IMMP2L: variants seen among roughly 807,000 people sequenced by gnomAD.
IMMP2L encodes mitochondrial inner membrane protease subunit 2.
Under a neutral mutation model 19.3 loss-of-function variants are expected in IMMP2L, and 18 were observed. That is an observed-to-expected ratio of 0.93 (90% CI 0.64 to 1.38). The LOEUF is 1.38. IMMP2L is among the 40% of genes most tolerant of loss of function. The pLI is 0.00. For synonymous variants in IMMP2L, 76 were observed against 73.0 expected, an observed-to-expected ratio of 1.04 and a Z score of -0.21; for missense variants, 233 against 218.2, an observed-to-expected ratio of 1.07 and a Z score of -0.43.
intron 3 of IMMP2L, among the ~76,000 whole-genome samples, chr7:111,005,578 T>G (rs957999169): frequency 6.6e-6 from 1 of 152,160 alleles, no homozygotes; most frequent in African/African-American, 2.4e-5. Flanking sequence ...CTGCCTCAAT[T>G]AAGCAGATAA....
intron 2 of IMMP2L, among the ~76,000 whole-genome samples, chr7:111,514,236 A>C (rs1845690247): frequency 6.6e-6 from 1 of 152,160 alleles, no homozygotes; most frequent in African/African-American, 2.4e-5. Context: ...TATGTTAATT[A>C]GTTTGTGGTA....
chr7:110,888,866 G>A (rs1309784771), intron 4 of IMMP2L, among the ~76,000 whole-genome samples: 1 of 152,028 alleles, frequency 6.6e-6, no homozygotes, highest in Non-Finnish European at 1.5e-5. Flanking sequence ...TTGTTCATAA[G>A]AGTATCCCCA....
intron 5 of IMMP2L, among the ~76,000 whole-genome samples, chr7:110,805,877 C>G (rs1233960850): frequency 6.6e-6 from 1 of 151,752 alleles, no homozygotes; most frequent in African/African-American, 2.4e-5. Context: ...GGGTATAATG[C>G]TATACCCCAA....
intron 3 of IMMP2L, among the ~76,000 whole-genome samples, chr7:111,289,315 T>C (rs1030741984): frequency 1.3e-5 from 2 of 151,786 alleles, no homozygotes; most frequent in African/African-American, 2.4e-5. Context: ...AAATACCTAA[T>C]GTAGATGATG....
chr7:110,892,280 G>A (rs988296126), intron 4 of IMMP2L, among the ~76,000 whole-genome samples: 9 of 152,112 alleles, frequency 5.9e-5, no homozygotes, highest in Admixed American at 1.3e-4. Flanking sequence ...TGAACAGACT[G>A]GTCACAAACC....
chr7:111,142,377 A>G (rs1407267013), intron 3 of IMMP2L, among the ~76,000 whole-genome samples: 1 of 150,900 alleles, frequency 6.6e-6, no homozygotes, highest in Non-Finnish European at 1.5e-5. Context: ...AGAATAGAAA[A>G]GAGCTTAATT....
chr7:110,905,537 G>T (rs1812357997), intron 4 of IMMP2L, among the ~76,000 whole-genome samples: 2 of 151,968 alleles, frequency 1.3e-5, no homozygotes, highest in Non-Finnish European at 2.9e-5. Context: ...TTTAGAGCAG[G>T]TAATATCCAA....
At chr7:110,972,441 G>A (rs1820239112) in intron 3 of IMMP2L, among the ~76,000 whole-genome samples, 1 of 151,944 alleles carries the variant, frequency 6.6e-6, no homozygotes, top group Non-Finnish European at 1.5e-5. Context: ...ATGTTTCTAA[G>A]TCTTCCAGTA....
At chr7:110,875,872 A>G (rs1809007358) in intron 5 of IMMP2L, among the ~76,000 whole-genome samples, 1 of 152,074 alleles carries the variant, frequency 6.6e-6, no homozygotes, top group African/African-American at 2.4e-5. Flanking sequence ...ATATTCCACA[A>G]CTTGATGAAG....
At chr7:111,209,567 A>T (rs1811097897) in intron 3 of IMMP2L, among the ~76,000 whole-genome samples, 2 of 152,112 alleles carry the variant, frequency 1.3e-5, no homozygotes, top group South Asian at 4.1e-4. Context: ...ATATTCAATC[A>T]ACAAGATTGC....
intron 3 of IMMP2L, among the ~76,000 whole-genome samples, chr7:111,211,786 G>A (rs985349241): frequency 2.5e-4 from 38 of 152,146 alleles, no homozygotes; most frequent in African/African-American, 9.2e-4. Flanking sequence ...GAGGCAGGCA[G>A]ATCGAGACCA....
chr7:111,465,712 T>G (rs1713917562), intron 3 of IMMP2L, among the ~76,000 whole-genome samples: 2 of 152,048 alleles, frequency 1.3e-5, no homozygotes, highest in South Asian at 4.2e-4. Context: ...TAGGAACACT[T>G]TTACACTGTT....
intron 3 of IMMP2L, among the ~76,000 whole-genome samples, chr7:111,404,459 A>G (rs1833741711): frequency 6.6e-6 from 1 of 152,088 alleles, no homozygotes; most frequent in African/African-American, 2.4e-5. Context: ...TCTTCCCACA[A>G]ATCACAAGCG....
chr7:111,436,460 T>C (rs1231949428), intron 3 of IMMP2L, among the ~76,000 whole-genome samples: 1 of 151,748 alleles, frequency 6.6e-6, no homozygotes, highest in Non-Finnish European at 1.5e-5. Context: ...TACATAAAAA[T>C]GTATTCTTAA....
intron 3 of IMMP2L, among the ~76,000 whole-genome samples, chr7:111,219,107 G>A (rs1266521153): frequency 1.3e-5 from 2 of 151,936 alleles, no homozygotes; most frequent in Non-Finnish European, 1.5e-5. Flanking sequence ...AACTATTGAT[G>A]TATGTTATAC....
chr7:111,529,505 C>T (rs1847195936), intron 1 of IMMP2L, among the ~76,000 whole-genome samples: 1 of 152,090 alleles, frequency 6.6e-6, no homozygotes, highest in South Asian at 2.1e-4. Context: ...AATTCTTTAT[C>T]TTTAGTCTTG....
At chr7:111,159,351 T>A (rs879931508) in intron 3 of IMMP2L, among the ~76,000 whole-genome samples, 1 of 152,076 alleles carries the variant, frequency 6.6e-6, no homozygotes, top group African/African-American at 2.4e-5. Flanking sequence ...CCTGACCTCA[T>A]GATCCACCCA....
rs890462474 is a variant in IMMP2L at position 110,806,595 on chromosome 7, C to A, written c.408+79998G>T. Reference sequence around the variant, plus strand: ...TTCAAAGGGAAAAATTCCCACAAAACCCAAAAAATAGTTGGTCTCAAAAAA... The same window carrying A: ...TTCAAAGGGAAAAATTCCCACAAAAACCAAAAAATAGTTGGTCTCAAAAAA... On this transcript the variant is annotated intron_variant, in intron 5 of 5. Transcript: ENST00000405709. Among the ~76,000 whole-genome samples, 5 of 151,894 alleles carry A rather than the reference C, an allele frequency of 3.3e-5. No homozygotes were observed. In the South Asian group the frequency reaches 1.0e-3, roughly 32 times the overall value.
chr7:110,743,473 G>A (rs1797123153), intron 5 of IMMP2L, among the ~76,000 whole-genome samples: 1 of 152,114 alleles, frequency 6.6e-6, no homozygotes, highest in Non-Finnish European at 1.5e-5. Context: ...ATTTCCAGTT[G>A]CTGGCAAGAT....
Sources: allele counts gnomAD v4.1 joint callset (sites outside exome capture counted in the v4.1 genomes callset), GRCh38; gene constraint gnomAD v4.1.1; transcripts MANE v1.5; gene names NCBI Gene and HGNC (gene_info 2026-07-23, HGNC 2026-07-21).